The following ALG9 variants were observed in gnomAD, a reference collection of about 807,000 sequenced individuals.
The protein encoded by ALG9 is alpha-1,2-mannosyltransferase ALG9.
Under a neutral mutation model 81.8 loss-of-function variants are expected in ALG9, and 55 were observed. That is an observed-to-expected ratio of 0.67 (90% confidence interval 0.54 to 0.84). The LOEUF (loss-of-function observed/expected upper bound fraction) is 0.84. Ranked by LOEUF, ALG9 falls within the 40% of genes least tolerant of loss-of-function variation. The pLI is 0.00. For synonymous variants in ALG9, 278 were observed against 274.3 expected, an observed-to-expected ratio of 1.01 and a Z score of -0.13; for missense variants, 629 against 745.0, an observed-to-expected ratio of 0.84 and a Z score of 1.81.
In ALG9 at chr11:111,840,816, GAC is replaced by G. The variant is rs781971476; in HGVS notation, c.1019-9_1019-8del. 6.2e-7 allele frequency: 1 copy of G among 1,613,964 alleles called. No individual in the cohort carries two copies. Among genetic ancestry groups the G allele is most frequent in the South Asian group, 1.1e-5 (1 of 91,070 alleles). On this transcript the variant is annotated splice_polypyrimidine_tract_variant and splice_region_variant and intron_variant, in intron 9 of 14. Coordinates refer to ENST00000616540, the MANE Select transcript of ALG9 (RefSeq NM_024740.2). Reference sequence around the variant, plus strand: ...GGGTGGCCTAAATTCTGAACTGCAAGACACAGAAAAATACCCATCTTTCATTA... The same window carrying G: ...GGGTGGCCTAAATTCTGAACTGCAAGACAGAAAAATACCCATCTTTCATTA...
At chr11:111,862,256 TAG>T (rs1960498974) in intron 4 of ALG9, among the ~76,000 whole-genome samples, 1 of 150,614 alleles carries the variant, frequency 6.6e-6, no homozygotes, top group Admixed American at 6.6e-5. Context: ...TTTTTTTTTT[TAG>T]AGAGAGTCTC....
downstream of ALG9, among the ~76,000 whole-genome samples, chr11:111,777,551 G>A (rs1945735519): frequency 6.6e-6 from 1 of 151,982 alleles, no homozygotes; most frequent in Admixed American, 6.6e-5. Context: ...ATACTTGGGA[G>A]TAAAACAAAA....
chr11:111,783,805 A>G lies in ALG9; in HGVS notation c.*2592T>C, dbSNP rs886047661. ...TATTGTGCTCTCACTAAAGACATAC[A>G]TAGAACAGAGAGATCCAAAATCAGG... On this transcript the variant is annotated 3_prime_UTR_variant, in exon 15 of 15. Transcript: ENST00000616540. 3 of 152,206 alleles carry G rather than the reference A, an allele frequency of 2.0e-5. No homozygotes were observed. The East Asian group carries it at 5.8e-4, about 29-fold the overall frequency. 9.4% of individuals were successfully genotyped at this position (152,206 alleles called of 1,614,324 possible). A position where few individuals can be genotyped will look rare whatever the true frequency, so the allele number is the denominator to read the frequency against.
At chr11:111,787,769 A>T (rs782516268) in intron 14 of ALG9, among the ~76,000 whole-genome samples, 2 of 152,038 alleles carry the variant, frequency 1.3e-5, no homozygotes, top group Non-Finnish European at 2.9e-5. Flanking sequence ...AAAATAAATT[A>T]AAAAAATAAA....
chr11:111,818,109 A>G (rs1243804116), intron 13 of ALG9, among the ~76,000 whole-genome samples: 1 of 152,164 alleles, frequency 6.6e-6, no homozygotes, highest in African/African-American at 2.4e-5. Flanking sequence ...AACCAGTGAC[A>G]CCAAGATTTC....
At chr11:111,844,895 C>T (rs559492593) in intron 8 of ALG9, among the ~76,000 whole-genome samples, 172 bp from the exon 9 acceptor site, 10 of 152,102 alleles carry the variant, frequency 6.6e-5, no homozygotes, top group Admixed American at 4.6e-4. Flanking sequence ...AGCACAAGAG[C>T]GAGATGGAAG....
intron 13 of ALG9, among the ~76,000 whole-genome samples, chr11:111,834,738 A>G (rs1386743409): frequency 4.6e-5 from 7 of 152,106 alleles, no homozygotes; most frequent in African/African-American, 1.7e-4. Flanking sequence ...ATGACAGTGT[A>G]TTTTCCCACC....
At chr11:111,821,100 A>T (rs898271772) in intron 13 of ALG9, among the ~76,000 whole-genome samples, 1 of 152,222 alleles carries the variant, frequency 6.6e-6, no homozygotes, top group Non-Finnish European at 1.5e-5. Flanking sequence ...TGTCTCTAAA[A>T]ATAAAATTTT....
At position 111,786,345 on chromosome 11, in the gene ALG9, C is replaced by T. The variant is rs1946465925; in HGVS notation, c.*52G>A. ...CGATGACTTGCAGGGAGTCAGGTCA[C>T]TGGAATCAATAGTTAACAAGATGGT... On this transcript the variant is annotated 3_prime_UTR_variant, in exon 15 of 15. Coordinates refer to ENST00000616540, the MANE Select transcript of ALG9 (RefSeq NM_024740.2). 6.2e-7 allele frequency: 1 copy of T among 1,611,948 alleles called. No homozygotes were observed. The highest frequency in any genetic ancestry group is 8.5e-7 in the Non-Finnish European group (1 of 1,178,698).
intron 6 of ALG9, among the ~76,000 whole-genome samples, chr11:111,857,393 C>G (rs1013165331): frequency 6.6e-6 from 1 of 152,150 alleles, no homozygotes; most frequent in Admixed American, 6.5e-5. Context: ...TTCACTGTGC[C>G]TAACACATAG....
At chr11:111,833,556 T>C (rs1183880583) in intron 13 of ALG9, among the ~76,000 whole-genome samples, 6 of 152,130 alleles carry the variant, frequency 3.9e-5, no homozygotes, top group African/African-American at 9.7e-5. Flanking sequence ...CCATGCACAA[T>C]AGAAACGGGA....
At chr11:111,868,517 A>G in intron 3 of ALG9, 85 bp downstream of exon 3, 2 of 1,499,024 alleles carry the variant, frequency 1.3e-6, no homozygotes, top group Non-Finnish European at 9.0e-7. Flanking sequence ...TTTAACTTCC[A>G]ATTCATTTTG....
chr11:111,863,112 C>T (rs951554866), intron 4 of ALG9, among the ~76,000 whole-genome samples: 1 of 152,162 alleles, frequency 6.6e-6, no homozygotes, highest in Non-Finnish European at 1.5e-5. Context: ...TGGCTCACAC[C>T]TGTAATCCCA....
downstream of ALG9, among the ~76,000 whole-genome samples, chr11:111,777,680 G>A (rs933377640): frequency 1.3e-5 from 2 of 151,950 alleles, no homozygotes; most frequent in African/African-American, 4.8e-5. Context: ...AAAGGGGTGA[G>A]TTTTAAAGAA....
rs878853116 is a variant in ALG9, at chr11:111,871,433, C to T, written c.50G>A (p.Ser17Asn). 2.0e-6 allele frequency: 3 copies of T among 1,536,450 alleles called. No homozygotes were observed. Among genetic ancestry groups the T allele is most frequent in the Non-Finnish European group, 2.6e-6 (3 of 1,146,710 alleles). The change falls in exon 1 of 15, where the codon AGT (serine) becomes AAT (asparagine). Residue 17 changes from serine (S) to asparagine (N), a missense_variant. Coordinates refer to ENST00000616540, the MANE Select transcript of ALG9 (RefSeq NM_024740.2). ...RQRLKGSGAS[S>N]GDTAPAADKL... The stretch of plus-strand genomic sequence containing the variant: ...GTCCGCAGCCGGGGCCGTATCCCCA[C>T]TGCTGGCCCCGCTGCCCTTCAGGCG...
At chr11:111,792,646 T>C (rs782098769) in intron 14 of ALG9, among the ~76,000 whole-genome samples, 5 of 152,196 alleles carry the variant, frequency 3.3e-5, no homozygotes, top group Admixed American at 6.5e-5. Flanking sequence ...GCATAATCAA[T>C]CACAAGAAAT....
intron 1 of ALG9, chr11:111,870,782 C>T (rs1022087368): frequency 4.0e-6 from 4 of 1,007,674 alleles, no homozygotes; most frequent in Non-Finnish European, 3.5e-6. Context: ...CACTTGAAGG[C>T]CACAAAGCTG....
Position 111,784,758 on chromosome 11 carries a change from T to C in ALG9, c.*1639A>G, listed in dbSNP as rs776627555. ...AATGAAAGATGGAACTTCTGAAAAA[T>C]AGATTCATCCTATTTGCAGATATTC... On this transcript the variant is annotated 3_prime_UTR_variant, in exon 15 of 15. Coordinates refer to ENST00000616540, the MANE Select transcript of ALG9 (RefSeq NM_024740.2). The C allele has an allele frequency of 1.3e-5, 2 of 151,540 alleles. No individual in the cohort carries two copies. Among genetic ancestry groups the C allele is most frequent in the South Asian group, 2.1e-4 (1 of 4,804 alleles). 9.4% of individuals were successfully genotyped at this position (151,540 alleles called of 1,614,324 possible). A position where few individuals can be genotyped will look rare whatever the true frequency, so the allele number is the denominator to read the frequency against.
At chr11:111,773,267 C>T in the ALG9 span, among the ~76,000 whole-genome samples, 4,181 of 151,958 alleles carry the variant, frequency 0.028, 124 homozygotes, top group Admixed American at 0.079. Flanking sequence ...TTTCCTGAGA[C>T]TGAGTCTTGC....
Sources: allele counts gnomAD v4.1 joint callset (sites outside exome capture counted in the v4.1 genomes callset), GRCh38; gene constraint gnomAD v4.1.1; transcripts MANE v1.5; gene names NCBI Gene and HGNC (gene_info 2026-07-23, HGNC 2026-07-21).